The following MEMO1 variants were observed in gnomAD, a reference collection of about 807,000 sequenced individuals.
MEMO1 encodes mediator of cell motility 1, also known as protein MEMO1.
A neutral mutation model predicts 45.2 loss-of-function variants in MEMO1; 6 were observed. The ratio of observed to expected loss-of-function variants is 0.13; its 90% confidence interval spans 0.07 to 0.26. The LOEUF (loss-of-function observed/expected upper bound fraction) is 0.26, where lower values mean the gene tolerates loss of function less well. MEMO1 is among the 10% of genes least tolerant of loss of function. The pLI is 1.00. For synonymous variants in MEMO1, 78 were observed against 124.3 expected (o/e 0.63, Z 2.48); for missense variants, 184 against 370.5 (o/e 0.50, Z 4.13).
At chr2:31,934,754 A>C (rs1226686240) in intron 3 of MEMO1, among the ~76,000 whole-genome samples, 1 of 152,154 alleles carries the variant, frequency 6.6e-6, no homozygotes, top group Non-Finnish European at 1.5e-5. Context: ...GACAATATCA[A>C]ACTGTTATTA....
At chr2:31,966,594 G>A (rs1668638027) in intron 2 of MEMO1, among the ~76,000 whole-genome samples, 1 of 151,958 alleles carries the variant, frequency 6.6e-6, no homozygotes, top group East Asian at 1.9e-4. Context: ...AGCCAGGCAT[G>A]GTGGCACGAC....
At chr2:31,877,974 C>G (rs1674798814) in intron 8 of MEMO1, among the ~76,000 whole-genome samples, 1 of 151,960 alleles carries the variant, frequency 6.6e-6, no homozygotes, top group African/African-American at 2.4e-5. Flanking sequence ...CATCGGAGAA[C>G]AAAACAAATA....
chr2:31,992,429 T>C (rs574961836), intron 2 of MEMO1, among the ~76,000 whole-genome samples: 1 of 152,256 alleles, frequency 6.6e-6, no homozygotes, highest in South Asian at 2.1e-4. Flanking sequence ...CAAAAGTGGG[T>C]TCATATCTCA....
chr2:31,920,893 A>T lies in MEMO1; in HGVS notation c.230T>A (p.Leu77His). 1 of 1,612,028 alleles carries T rather than the reference A, an allele frequency of 6.2e-7. No homozygotes were observed. Among genetic ancestry groups the T allele is most frequent in the South Asian group, 1.1e-5 (1 of 90,960 alleles). ...DPSITRRIFI[L>H]GPSHHVPLSR... is the part of the protein sequence containing the mutation. ...GAGGGGCACATGATGAGAAGGCCCA[A>T]GGATGAAAATTCTCCGGCTAGGAGA... Residue 77 changes from leucine to histidine, a missense_variant, in exon 5 of 10, where the codon CTT becomes CAT. By Grantham distance (99) the Leu-to-His change is moderately conservative. This residue lies in a region of MEMO1 where 60 missense variants were observed against 79.2 expected (regional missense o/e 0.76). Coordinates refer to ENST00000404530, the MANE Select transcript of MEMO1 (RefSeq NM_001301833.4).
At chr2:31,998,152 T>C (rs1481834528) in intron 2 of MEMO1, among the ~76,000 whole-genome samples, 1 of 152,114 alleles carries the variant, frequency 6.6e-6, no homozygotes, top group Non-Finnish European at 1.5e-5. Flanking sequence ...TATGGGACTA[T>C]AGATAGGCAT....
At chr2:31,941,417 T>C (rs1035435820) in intron 3 of MEMO1, among the ~76,000 whole-genome samples, 15 of 152,154 alleles carry the variant, frequency 9.9e-5, no homozygotes, top group African/African-American at 3.6e-4. Context: ...ACCCTACCCA[T>C]ACTGTCACTC....
chr2:31,992,201 G>A (rs1672026952), intron 2 of MEMO1, among the ~76,000 whole-genome samples: 1 of 152,216 alleles, frequency 6.6e-6, no homozygotes, highest in Admixed American at 6.5e-5. Context: ...CAGGGCTGAG[G>A]AAACAATTGG....
chr2:31,958,114 A>G (rs1228340342), intron 2 of MEMO1, among the ~76,000 whole-genome samples: 1 of 152,082 alleles, frequency 6.6e-6, no homozygotes, highest in African/African-American at 2.4e-5. Flanking sequence ...GTAATCAGAT[A>G]TAACACCCAT....
intron 7 of MEMO1, among the ~76,000 whole-genome samples, chr2:31,889,679 T>C (rs959593193): frequency 6.6e-6 from 1 of 152,024 alleles, no homozygotes; most frequent in African/African-American, 2.4e-5. Flanking sequence ...ACTATCAATT[T>C]TGGAATATTA....
chr2:31,876,328 T>C (rs1465249791), intron 8 of MEMO1, among the ~76,000 whole-genome samples: 1 of 152,210 alleles, frequency 6.6e-6, no homozygotes, highest in African/African-American at 2.4e-5. Context: ...CAGAACTCAC[T>C]TTAATTTTCA....
intron 2 of MEMO1, among the ~76,000 whole-genome samples, chr2:31,974,667 C>T (rs1669796112): frequency 6.7e-6 from 1 of 149,910 alleles, no homozygotes; most frequent in African/African-American, 2.5e-5. Context: ...ACCACTTGAA[C>T]CCAGGGGGGC....
At chr2:31,880,542 CA>C (rs1041632357) in intron 8 of MEMO1, among the ~76,000 whole-genome samples, 1 of 152,052 alleles carries the variant, frequency 6.6e-6, no homozygotes, top group African/African-American at 2.4e-5. Flanking sequence ...TACTTTAAAC[CA>C]AATAATCTTG....
At chr2:31,968,265 G>C (rs997170670) in intron 2 of MEMO1, among the ~76,000 whole-genome samples, 1 of 152,210 alleles carries the variant, frequency 6.6e-6, no homozygotes, top group African/African-American at 2.4e-5. Flanking sequence ...AAAATGCTTT[G>C]TAGGGGAAAT....
intron 7 of MEMO1, among the ~76,000 whole-genome samples, chr2:31,891,609 C>G (rs1676997079): frequency 1.3e-5 from 2 of 151,608 alleles, no homozygotes; most frequent in Admixed American, 1.3e-4. Flanking sequence ...AGGACTGGCA[C>G]AGCACACAGT....
intron 6 of MEMO1, among the ~76,000 whole-genome samples, chr2:31,916,692 T>C (rs1388205554): frequency 1.3e-5 from 2 of 152,202 alleles, no homozygotes; most frequent in Admixed American, 6.5e-5. Flanking sequence ...TCTGAAGAAT[T>C]AGGATGTATT....
intron 2 of MEMO1, among the ~76,000 whole-genome samples, chr2:31,967,142 G>C (rs2148439390): frequency 1.1e-5 from 1 of 93,302 alleles, no homozygotes; most frequent in Admixed American, 1.3e-4. Context: ...TTTTTTTTTG[G>C]AGACGGAGTC....
At chr2:32,007,548 AC>A (rs1674256572) in intron 2 of MEMO1, among the ~76,000 whole-genome samples, 1 of 145,644 alleles carries the variant, frequency 6.9e-6, no homozygotes, top group African/African-American at 2.6e-5. Context: ...ATGTACACAC[AC>A]TTTTTTTCTG....
At chr2:31,988,277 T>C (rs1015177686) in intron 2 of MEMO1, among the ~76,000 whole-genome samples, 7 of 152,340 alleles carry the variant, frequency 4.6e-5, no homozygotes, top group Middle Eastern at 3.4e-3. Context: ...CCAGGCATGG[T>C]AGCTCACGCC....
chr2:31,871,501 AC>A (rs1673732200), intron 8 of MEMO1, among the ~76,000 whole-genome samples: 1 of 10,056 alleles, frequency 9.9e-5, no homozygotes, highest in African/African-American at 2.0e-4. Flanking sequence ...CCATATATAC[AC>A]ACACACACAC....
Sources: gnomAD v4.1 joint callset for allele counts (sites outside exome capture counted in the v4.1 genomes callset) on GRCh38, gnomAD v4.1.1 for gene constraint, gnomAD v4.1.1 regional missense constraint, MANE v1.5 for transcripts, NCBI Gene and HGNC (gene_info 2026-07-23, HGNC 2026-07-21) for gene names.